ATE1: variants seen among roughly 807,000 people sequenced by gnomAD.
ATE1 encodes arginyl-tRNA--protein transferase 1.
ATE1 carries 36 observed loss-of-function variants against 70.5 expected under a neutral mutation model. The observed-to-expected ratio is 0.51, with a 90% CI of 0.39 to 0.67. ATE1 has a LOEUF of 0.67. ATE1 is among the 30% of genes least tolerant of loss of function. ATE1 has a pLI of 0.00. For synonymous variants in ATE1, 232 were observed against 219.3 expected, an observed-to-expected ratio of 1.06 and a Z score of -0.51; for missense variants, 593 against 629.5, an observed-to-expected ratio of 0.94 and a Z score of 0.62.
chr10:121,791,282 G>C (rs896099985), intron 10 of ATE1, among the ~76,000 whole-genome samples: 1 of 151,462 alleles, frequency 6.6e-6, no homozygotes, highest in Non-Finnish European at 1.5e-5. Flanking sequence ...TTGGTAGAGA[G>C]GGGGTTTCAC....
chr10:121,883,530 C>T (rs946712590), intron 7 of ATE1, among the ~76,000 whole-genome samples: 3 of 152,044 alleles, frequency 2.0e-5, no homozygotes, highest in Non-Finnish European at 2.9e-5. Flanking sequence ...CACTGAAATA[C>T]GACAAGAGCA....
At chr10:121,888,247 A>G (rs2134173559) in intron 7 of ATE1, among the ~76,000 whole-genome samples, 1 of 152,240 alleles carries the variant, frequency 6.6e-6, no homozygotes, top group East Asian at 1.9e-4. Flanking sequence ...ACAAAAAATT[A>G]GCCGGGCGTG....
At chr10:121,765,404 T>C (rs112225735) in intron 11 of ATE1, among the ~76,000 whole-genome samples, 15 of 152,358 alleles carry the variant, frequency 9.8e-5, no homozygotes, top group African/African-American at 3.6e-4. Flanking sequence ...CCTGGCTACA[T>C]ATTCAAATCG....
intron 9 of ATE1, 25 bp from the exon 10 acceptor site, chr10:121,836,842 T>C: frequency 7.0e-7 from 1 of 1,432,112 alleles, no homozygotes; most frequent in South Asian, 1.2e-5. Flanking sequence ...AGAAGAAAGC[T>C]GAAGGCAGTT....
rs202106749 is a variant in ATE1 at position 121,903,441 on chromosome 10, CT to C, written c.584-822del. The stretch of plus-strand genomic sequence containing the variant: ...TCCTTGTGCACCTGGAATTCTAGCA[CT>C]TTGGGGGGCTAAGGCGGGCAGATCA... On this transcript the variant is annotated intron_variant, in intron 5 of 11. Coordinates refer to ENST00000224652, the MANE Select transcript of ATE1 (RefSeq NM_001001976.3). Among the ~76,000 whole-genome samples the C allele has an allele frequency of 6.0e-3, 916 of 152,228 alleles. 4 individuals are homozygous for C. Among genetic ancestry groups the C allele is most frequent in the Non-Finnish European group, 0.01 (713 of 68,030 alleles).
chr10:121,851,669 T>C (rs1333764914), intron 8 of ATE1, among the ~76,000 whole-genome samples: 1 of 152,262 alleles, frequency 6.6e-6, no homozygotes, highest in East Asian at 1.9e-4. Flanking sequence ...TTATCTTTCA[T>C]TTCCTCATAC....
At chr10:121,818,629 C>G (rs1564864706) in intron 10 of ATE1, among the ~76,000 whole-genome samples, 1 of 152,114 alleles carries the variant, frequency 6.6e-6, no homozygotes, top group Non-Finnish European at 1.5e-5. Context: ...ATATTTTACC[C>G]AAAGGTCTAT....
Position 121,895,337 on chromosome 10 carries a change from C to T in ATE1, c.942+4529G>A, listed in dbSNP as rs74960165. 6.9e-3 allele frequency among the ~76,000 whole-genome samples: 1,048 copies of T among 152,310 alleles called. 18 individuals are homozygous for T. The highest frequency in any genetic ancestry group is 0.024 in the African/African-American group (1,005 of 41,566). ...AATAAAAACCACCCAAGGCTGAGCACGGTGGCTCACGTCTGTAGTCCTAGC... is the reference window on the plus strand; with the variant it reads ...AATAAAAACCACCCAAGGCTGAGCATGGTGGCTCACGTCTGTAGTCCTAGC... On this transcript the variant is annotated intron_variant, in intron 7 of 11. Coordinates refer to ENST00000224652, the MANE Select transcript of ATE1 (RefSeq NM_001001976.3).
intron 10 of ATE1, among the ~76,000 whole-genome samples, chr10:121,824,156 G>A (rs1011602612): frequency 1.3e-5 from 2 of 152,150 alleles, no homozygotes; most frequent in African/African-American, 2.4e-5. Flanking sequence ...AAATTCTCCT[G>A]TGGTAATTTT....
In ATE1 at chr10:121,743,644, G is replaced by A; in HGVS notation, c.*36C>T. The A allele has an allele frequency of 6.4e-7, 1 of 1,554,676 alleles. No individual in the cohort carries two copies. Among genetic ancestry groups the A allele is most frequent in the Non-Finnish European group, 8.7e-7 (1 of 1,152,944 alleles). ...ATATGTATCCTGGCACAAATCATCAGCACAACACAGGAACTTCCCGGCAGA... is the reference window on the plus strand; with the variant it reads ...ATATGTATCCTGGCACAAATCATCAACACAACACAGGAACTTCCCGGCAGA... On this transcript the variant is annotated 3_prime_UTR_variant, in exon 12 of 12. Coordinates refer to ENST00000224652, the MANE Select transcript of ATE1 (RefSeq NM_001001976.3).
At chr10:121,903,985 C>CTT (rs55931393) in intron 5 of ATE1, among the ~76,000 whole-genome samples, 2 of 145,158 alleles carry the variant, frequency 1.4e-5, no homozygotes, top group African/African-American at 2.5e-5. Flanking sequence ...TCCAAATTTT[C>CTT]TTTTTTTTTT....
chr10:121,851,187 C>T (rs544203050), intron 8 of ATE1, among the ~76,000 whole-genome samples: 1 of 144,320 alleles, frequency 6.9e-6, no homozygotes, highest in Admixed American at 7.0e-5. Context: ...TTGGAGGCTG[C>T]GGCGGGCAGA....
chr10:121,756,681 A>G (rs1423876136), intron 11 of ATE1, among the ~76,000 whole-genome samples: 2 of 152,182 alleles, frequency 1.3e-5, no homozygotes, highest in Non-Finnish European at 2.9e-5. Context: ...CTACCCACTG[A>G]AGCAACAGCC....
chr10:121,827,613 T>G (rs936685649), intron 10 of ATE1, among the ~76,000 whole-genome samples: 3 of 152,224 alleles, frequency 2.0e-5, no homozygotes, highest in Non-Finnish European at 2.9e-5. Context: ...CAAGTCTCAT[T>G]ACAATGGCCA....
chr10:121,745,728 A>T (rs1944342602), intron 11 of ATE1, among the ~76,000 whole-genome samples: 1 of 60,132 alleles, frequency 1.7e-5, no homozygotes, highest in Non-Finnish European at 6.7e-5. Flanking sequence ...CTCTGTCTCA[A>T]AACAAACAAA....
At chr10:121,798,854 G>A (rs138348834) in intron 10 of ATE1, among the ~76,000 whole-genome samples, 2,616 of 150,840 alleles carry the variant, frequency 0.017, 67 homozygotes, top group African/African-American at 0.055. Flanking sequence ...AGCCAAGATC[G>A]TGCCACTGCA....
intron 11 of ATE1, 104 bp downstream of exon 11, chr10:121,790,065 T>C: frequency 6.7e-7 from 1 of 1,496,938 alleles, no homozygotes; most frequent in South Asian, 1.3e-5. Context: ...GCATACTCTA[T>C]AATATACAAA....
At chr10:121,746,909 G>A (rs1444914805) in intron 11 of ATE1, among the ~76,000 whole-genome samples, 4 of 152,150 alleles carry the variant, frequency 2.6e-5, no homozygotes, top group Non-Finnish European at 4.4e-5. Flanking sequence ...CCTACTATAT[G>A]AATTTATTTC....
At chr10:121,910,142 T>G (rs1037507500) in intron 5 of ATE1, among the ~76,000 whole-genome samples, 2 of 152,200 alleles carry the variant, frequency 1.3e-5, no homozygotes, top group African/African-American at 4.8e-5. Context: ...TAAAAAACTA[T>G]TCAATAAAAT....
Sources: gnomAD v4.1 joint callset for allele counts (sites outside exome capture counted in the v4.1 genomes callset) on GRCh38, gnomAD v4.1.1 for gene constraint, MANE v1.5 for transcripts, NCBI Gene and HGNC (gene_info 2026-07-23, HGNC 2026-07-21) for gene names.